The following C12orf42 variants were observed in gnomAD, a reference collection of about 807,000 sequenced individuals.
C12orf42 encodes the protein chromosome 12 open reading frame 42.
A neutral mutation model predicts 21.6 loss-of-function variants in C12orf42; 25 were observed. The observed-to-expected ratio is 1.16, with a 90% CI of 0.84 to 1.62. C12orf42 has a LOEUF of 1.62. C12orf42 is among the 40% of genes most tolerant of loss of function. The pLI, the probability that C12orf42 is intolerant of heterozygous loss-of-function variation, is 0.00. For missense variants in C12orf42, 483 were observed against 459.3 expected (o/e 1.05, Z -0.47); for synonymous variants, 174 against 175.0 (o/e 0.99, Z 0.05).
At chr12:103,425,239 A>T (rs934472939) in intron 2 of C12orf42, among the ~76,000 whole-genome samples, 4 of 152,190 alleles carry the variant, frequency 2.6e-5, no homozygotes, top group African/African-American at 9.7e-5. Context: ...ACCTAGGGGA[A>T]GGGGTGGCTG....
intron 2 of C12orf42, among the ~76,000 whole-genome samples, chr12:103,403,761 T>C (rs946061636): frequency 3.3e-5 from 5 of 152,242 alleles, no homozygotes; most frequent in Non-Finnish European, 5.9e-5. Context: ...ATGGACTTCC[T>C]GCCACTCACT....
chr12:103,165,740 G>A, the C12orf42 span, among the ~76,000 whole-genome samples: 9 of 152,224 alleles, frequency 5.9e-5, no homozygotes, highest in Non-Finnish European at 8.8e-5. Context: ...ACATCACAGT[G>A]CGCATAAAGA....
the C12orf42 span, chr12:103,506,122 T>C: frequency 5.1e-6 from 1 of 195,938 alleles, no homozygotes; most frequent in Non-Finnish European, 1.1e-5. Context: ...GATGTTATCA[T>C]TATAAAGCTG....
chr12:103,149,565 G>T, the C12orf42 span, among the ~76,000 whole-genome samples: 5 of 140,766 alleles, frequency 3.6e-5, no homozygotes, highest in East Asian at 1.1e-3. Flanking sequence ...GGAGGTGATT[G>T]GATTATGGGG....
intron 5 of C12orf42, among the ~76,000 whole-genome samples, chr12:103,270,742 C>A (rs1282389777): frequency 7.1e-6 from 1 of 140,984 alleles, no homozygotes; most frequent in African/African-American, 2.6e-5. Context: ...CCCTACCCCA[C>A]AACAGTCCCC....
chr12:103,447,650 G>A (rs1227411245), intron 2 of C12orf42, among the ~76,000 whole-genome samples: 1 of 151,772 alleles, frequency 6.6e-6, no homozygotes, highest in East Asian at 1.9e-4. Context: ...CACCAACAGT[G>A]ACCAAGCTGA....
At chr12:103,086,969 T>A in the C12orf42 span, among the ~76,000 whole-genome samples, 1 of 152,170 alleles carries the variant, frequency 6.6e-6, no homozygotes. Flanking sequence ...ACTCAACAAG[T>A]GAAAAACCCA....
chr12:103,059,286 G>A, the C12orf42 span, among the ~76,000 whole-genome samples: 11 of 152,082 alleles, frequency 7.2e-5, no homozygotes, highest in East Asian at 1.9e-4. Context: ...GGAAGAAGTC[G>A]AATCCCTGAA....
chr12:103,472,647 T>C (rs1224767961), intron 2 of C12orf42, among the ~76,000 whole-genome samples: 1 of 152,028 alleles, frequency 6.6e-6, no homozygotes, highest in African/African-American at 2.4e-5. Flanking sequence ...TCTCAGCACT[T>C]AGAATGATGG....
the C12orf42 span, among the ~76,000 whole-genome samples, chr12:103,111,172 C>T: frequency 6.6e-6 from 1 of 151,714 alleles, no homozygotes; most frequent in Non-Finnish European, 1.5e-5. Context: ...AAAAGCAATA[C>T]AAAATGAAAA....
At chr12:103,497,859 G>A (rs759305254), upstream of C12orf42, among the ~76,000 whole-genome samples, 12 of 151,968 alleles carry the variant, frequency 7.9e-5, no homozygotes, top group South Asian at 2.1e-4. Context: ...GTGAAATCCC[G>A]TCTCTACTAA....
intron 2 of C12orf42, among the ~76,000 whole-genome samples, chr12:103,476,711 A>G (rs953072408): frequency 1.3e-5 from 2 of 152,222 alleles, no homozygotes; most frequent in African/African-American, 4.8e-5. Context: ...TAATGTAAAG[A>G]ACTTACTAAT....
the C12orf42 span, among the ~76,000 whole-genome samples, chr12:103,146,551 T>TAAGA: frequency 7.6e-5 from 3 of 39,360 alleles, no homozygotes; most frequent in Admixed American, 6.8e-4. Flanking sequence ...GAAAGAGAAA[T>TAAGA]AAAGAAAGAA....
At chr12:103,130,203 A>G in the C12orf42 span, among the ~76,000 whole-genome samples, 6 of 151,878 alleles carry the variant, frequency 4.0e-5, no homozygotes, top group South Asian at 1.0e-3. Context: ...TTCAATAACT[A>G]CTACTACTGT....
At chr12:103,525,557 CCT>C in the C12orf42 span, among the ~76,000 whole-genome samples, 1 of 151,770 alleles carries the variant, frequency 6.6e-6, no homozygotes, top group Non-Finnish European at 1.5e-5. Context: ...CATAGCAACC[CCT>C]GAGGTAAAAT....
At chr12:103,134,581 G>T in the C12orf42 span, among the ~76,000 whole-genome samples, 1 of 151,646 alleles carries the variant, frequency 6.6e-6, no homozygotes, top group Admixed American at 6.6e-5. Context: ...AAAGAAAAAA[G>T]AATTAAGAAG....
the C12orf42 span, among the ~76,000 whole-genome samples, chr12:103,083,548 C>A: frequency 6.6e-6 from 1 of 152,172 alleles, no homozygotes; most frequent in African/African-American, 2.4e-5. Context: ...TACCTAAATT[C>A]TCAAGCTATT....
chr12:103,453,782 T>C (rs1952107333), intron 2 of C12orf42, among the ~76,000 whole-genome samples: 1 of 152,142 alleles, frequency 6.6e-6, no homozygotes, highest in African/African-American at 2.4e-5. Context: ...CTCAACTTAA[T>C]AAATCAGATT....
At chr12:103,549,324 G>A in the C12orf42 span, among the ~76,000 whole-genome samples, 1 of 152,112 alleles carries the variant, frequency 6.6e-6, no homozygotes, top group African/African-American at 2.4e-5. Flanking sequence ...TGTGCAGGGA[G>A]GTCCCATGCG....
Sources: allele counts gnomAD v4.1 joint callset (sites outside exome capture counted in the v4.1 genomes callset), GRCh38; gene constraint gnomAD v4.1.1; transcripts MANE v1.5; gene names NCBI Gene and HGNC (gene_info 2026-07-23, HGNC 2026-07-21).